VMAC: variants seen among roughly 807,000 people sequenced by gnomAD.
VMAC encodes the protein vimentin-type intermediate filament-associated coiled-coil protein.
In VMAC, 8 loss-of-function variants were observed where a neutral mutation model predicts 4.8. The observed-to-expected ratio is 1.68, with a 90% CI of 0.99 to 3.03. The LOEUF (loss-of-function observed/expected upper bound fraction) is 3.03, where lower values mean the gene tolerates loss of function less well. Among genes scored for constraint, VMAC ranks in the 30% most tolerant of loss-of-function variants. The probability of loss-of-function intolerance (pLI) is 0.00; values close to 1 mark genes in which losing one functional copy is unlikely to be tolerated. For synonymous variants in VMAC, 96 were observed against 113.7 expected (o/e 0.84, Z 0.99); for missense variants, 248 against 245.1 (o/e 1.01, Z -0.08).
rs2057686745 is a variant in VMAC at position 5,908,514 on chromosome 19, G to T, written c.192-310G>T. On this transcript the variant is annotated intron_variant, in intron 1 of 1. Transcript: ENST00000339485. This position sits in a 1 kb window ranked among gnomAD's most constrained non-coding sequence, Gnocchi z 4.5. ...ACCTGTAATCCCAGCTACTAGGGAG[G>T]CTGAGGCAGGAGAATTGCTTGAACC... Among the ~76,000 whole-genome samples, 1 of 151,998 alleles carries T rather than the reference G, an allele frequency of 6.6e-6. No individual in the cohort carries two copies. Among genetic ancestry groups the T allele is most frequent in the Non-Finnish European group, 1.5e-5 (1 of 68,020 alleles).
rs749864099 is a variant in VMAC at position 5,909,841 on chromosome 19, A to G, written c.*699A>G. On this transcript the variant is annotated 3_prime_UTR_variant, in exon 2 of 2. Transcript: ENST00000339485. ...TGTCTCCTTTTTATACGCCCTAAAGAATATATTTTTGAACTCCTTGTTTCT... is the reference window on the plus strand; with the variant it reads ...TGTCTCCTTTTTATACGCCCTAAAGGATATATTTTTGAACTCCTTGTTTCT... 6.6e-6 allele frequency: 1 copy of G among 152,108 alleles called. No individual in the cohort carries two copies. The highest frequency in any genetic ancestry group is 1.5e-5 in the Non-Finnish European group (1 of 68,028). 9.4% of individuals were successfully genotyped at this position (152,108 alleles called of 1,614,324 possible).
At chr19:5,907,537 C>G (rs946982774) in intron 1 of VMAC, among the ~76,000 whole-genome samples, 11 of 145,422 alleles carry the variant, frequency 7.6e-5, no homozygotes, top group African/African-American at 2.8e-4. Flanking sequence ...CTTTGGGAGG[C>G]CGAAGCGGTC....
chr19:5,907,270 G>A (rs1176775766), intron 1 of VMAC, among the ~76,000 whole-genome samples: 1 of 151,908 alleles, frequency 6.6e-6, no homozygotes, highest in Non-Finnish European at 1.5e-5. Context: ...CCCCCACCCT[G>A]ACAACCTCAT....
rs374807753 is a variant in VMAC, at chr19:5,910,086, T to C, written c.*944T>C. The C allele has an allele frequency of 6.6e-6, 1 of 152,208 alleles. No homozygotes were observed. Among genetic ancestry groups the C allele is most frequent in the Admixed American group, 6.6e-5 (1 of 15,266 alleles). 9.4% of individuals were successfully genotyped at this position (152,208 alleles called of 1,614,324 possible). On this transcript the variant is annotated 3_prime_UTR_variant, in exon 2 of 2. Coordinates refer to ENST00000339485, the MANE Select transcript of VMAC (RefSeq NM_001017921.4). Reference sequence around the variant, plus strand: ...CGGAGGCCACCCACGGCCTTCAGGATGGCGCCCGCCTGCCTGCCTGGCAAC... The same window carrying C: ...CGGAGGCCACCCACGGCCTTCAGGACGGCGCCCGCCTGCCTGCCTGGCAAC...
intron 1 of VMAC, 146 bp downstream of exon 1, chr19:5,905,227 A>T (rs2057674290): frequency 1.1e-6 from 1 of 935,050 alleles, no homozygotes; most frequent in African/African-American, 1.7e-5. Context: ...ACACCAAAAA[A>T]CTCGAATTAG....
chr19:5,906,541 G>A (rs1165394041), intron 1 of VMAC, among the ~76,000 whole-genome samples: 1 of 152,228 alleles, frequency 6.6e-6, no homozygotes, highest in Non-Finnish European at 1.5e-5. Flanking sequence ...CCAGTGGAGA[G>A]ACAGACATGT....
At position 5,910,313 on chromosome 19, in the gene VMAC, CTAGGGAGTG is replaced by C. The variant is rs1317543506; in HGVS notation, c.*1176_*1184del. 6.6e-6 allele frequency: 1 copy of C among 152,220 alleles called. No homozygotes were observed. The highest frequency in any genetic ancestry group is 6.5e-5 in the Admixed American group (1 of 15,276). 9.4% of individuals were successfully genotyped at this position (152,220 alleles called of 1,614,324 possible). A position where few individuals can be genotyped will look rare whatever the true frequency, so the allele number is the denominator to read the frequency against. ...AGGGTCCTGCTGGGCCAGGTAGAATCTAGGGAGTGTAGGCCAAGCACTCTCTACAGCGAT... is the reference window on the plus strand; with the variant it reads ...AGGGTCCTGCTGGGCCAGGTAGAATCTAGGCCAAGCACTCTCTACAGCGAT... On this transcript the variant is annotated 3_prime_UTR_variant, in exon 2 of 2. Transcript: ENST00000339485.
rs1396203163 is a variant in VMAC, at chr19:5,909,109, C to A, written c.477C>A (p.His159Gln). 1 of 1,551,238 alleles carries A rather than the reference C, an allele frequency of 6.4e-7. No homozygotes were observed. The highest frequency in any genetic ancestry group is 1.9e-5 in the Admixed American group (1 of 51,998). Residue 159 changes from histidine (H) to glutamine (Q), a missense_variant, in exon 2 of 2, where the codon CAC becomes CAA. Transcript: ENST00000339485. ...CTGGGGAAGAGGCGGACAGGGACCA[C>A]CTCCAGCCTGCAGTGTTTGGGACCA... ...NSTGEEADRD[H>Q]LQPAVFGTTV is the part of the protein sequence containing the mutation.
chr19:5,909,072 T>C lies in VMAC; in HGVS notation c.440T>C (p.Leu147Pro). 6.4e-7 allele frequency: 1 copy of C among 1,560,756 alleles called. No individual in the cohort carries two copies. Among genetic ancestry groups the C allele is most frequent in the Non-Finnish European group, 8.6e-7 (1 of 1,156,548 alleles). ...HPPPGGPGPPLDNSTGEEADR... is the reference protein window; with the variant it reads ...HPPPGGPGPPPDNSTGEEADR... Reference sequence around the variant, plus strand: ...CCCCCCGGTGGGCCTGGTCCACCCCTTGACAACAGCACTGGGGAAGAGGCG... The same window carrying C: ...CCCCCCGGTGGGCCTGGTCCACCCCCTGACAACAGCACTGGGGAAGAGGCG... The change falls in exon 2 of 2, where the codon CTT becomes CCT. Residue 147 changes from leucine to proline, a missense_variant. By Grantham distance (98) the Leu-to-Pro change is moderately conservative (BLOSUM62 -3). Coordinates refer to ENST00000339485, the MANE Select transcript of VMAC (RefSeq NM_001017921.4).
In VMAC at chr19:5,908,131, G is replaced by C. The variant is rs1190600780; in HGVS notation, c.192-693G>C. On this transcript the variant is annotated intron_variant, in intron 1 of 1. Coordinates refer to ENST00000339485, the MANE Select transcript of VMAC (RefSeq NM_001017921.4). The surrounding 1 kb of genome is among the most constrained non-coding windows in gnomAD (Gnocchi z 4.5). Reference sequence around the variant, plus strand: ...GGCCAAGGCGGGTGGATCACTTGAGGTCAGGAGTTTAAGACCAGTCTGGCC... The same window carrying C: ...GGCCAAGGCGGGTGGATCACTTGAGCTCAGGAGTTTAAGACCAGTCTGGCC... 6.6e-6 allele frequency among the ~76,000 whole-genome samples: 1 copy of C among 151,968 alleles called. No individual in the cohort carries two copies. Among genetic ancestry groups the C allele is most frequent in the Non-Finnish European group, 1.5e-5 (1 of 67,996 alleles).
rs1437369539 is a variant in VMAC, at chr19:5,905,163, G to A, written c.191+82G>A. Reference sequence around the variant, plus strand: ...CGAGGCTGGAAAGCGAGGAAGGGCAGGGGGAACCGTGTGCACTTGTATAGA... The same window carrying A: ...CGAGGCTGGAAAGCGAGGAAGGGCAAGGGGAACCGTGTGCACTTGTATAGA... On this transcript the variant is annotated intron_variant, in intron 1 of 1. Transcript: ENST00000339485. 5 of 1,304,390 alleles carry A rather than the reference G, an allele frequency of 3.8e-6. No homozygotes were observed. The East Asian group carries it at 1.6e-4, about 41-fold the overall frequency. The allele number at this position is 1,304,390 out of a possible 1,614,324, so 80.8% of individuals were successfully genotyped here. A position where few individuals can be genotyped will look rare whatever the true frequency, so the allele number is the denominator to read the frequency against.
intron 1 of VMAC, among the ~76,000 whole-genome samples, chr19:5,905,447 T>C (rs2057675111): frequency 6.6e-6 from 1 of 152,134 alleles, no homozygotes; most frequent in Admixed American, 6.5e-5. Context: ...GAGACGGAGT[T>C]TCGCTCTTGT....
At chr19:5,905,757 A>G (rs1237743156) in intron 1 of VMAC, among the ~76,000 whole-genome samples, 1 of 151,586 alleles carries the variant, frequency 6.6e-6, no homozygotes, top group Non-Finnish European at 1.5e-5. Context: ...CCTCACTCCT[A>G]TGCCCAGGCT....
At chr19:5,907,721 G>A (rs1458051765) in intron 1 of VMAC, among the ~76,000 whole-genome samples, 7 of 149,938 alleles carry the variant, frequency 4.7e-5, no homozygotes, top group Non-Finnish European at 8.9e-5. Context: ...GGGAGGCGGA[G>A]GTTGCAGTGA....
At chr19:5,907,412 G>T (rs189265675) in intron 1 of VMAC, among the ~76,000 whole-genome samples, 115 of 151,740 alleles carry the variant, frequency 7.6e-4, no homozygotes, top group African/African-American at 2.6e-3. Flanking sequence ...GGAACTGGTG[G>T]GAGGTAAATG....
chr19:5,907,754 C>CCAG (rs1366465208), intron 1 of VMAC, among the ~76,000 whole-genome samples: 1 of 151,854 alleles, frequency 6.6e-6, no homozygotes, highest in East Asian at 1.9e-4. Flanking sequence ...CCACTGCACT[C>CCAG]CAGCCTGGAT....
intron 1 of VMAC, among the ~76,000 whole-genome samples, chr19:5,906,048 G>A (rs879837215): frequency 8.6e-5 from 13 of 151,696 alleles, no homozygotes; most frequent in African/African-American, 1.7e-4. Flanking sequence ...GCAGTGGTGC[G>A]ATCTCGACTC....
chr19:5,910,264 T>A lies in VMAC; in HGVS notation c.*1122T>A, dbSNP rs549946720. ...TGGCCTGGGGGCAAGAGGGAGGCCCTCTGTGTTATTTGTGCCTCCTGGTAG... is the reference window on the plus strand; with the variant it reads ...TGGCCTGGGGGCAAGAGGGAGGCCCACTGTGTTATTTGTGCCTCCTGGTAG... On this transcript the variant is annotated 3_prime_UTR_variant, in exon 2 of 2. Transcript: ENST00000339485. The A allele has an allele frequency of 5.3e-5, 8 of 152,216 alleles. No homozygotes were observed. Among genetic ancestry groups the A allele is most frequent in the Admixed American group, 1.3e-4 (2 of 15,276 alleles). The allele number at this position is 152,216 out of a possible 1,614,324, so 9.4% of individuals were successfully genotyped here.
At position 5,908,332 on chromosome 19, in the gene VMAC, A is replaced by G. The variant is rs2057686060; in HGVS notation, c.192-492A>G. Reference sequence around the variant, plus strand: ...CGAGACTGTCTCAGAAATTATAATAATAGGCTGGGCGTGGTGGCTCACGCC... The same window carrying G: ...CGAGACTGTCTCAGAAATTATAATAGTAGGCTGGGCGTGGTGGCTCACGCC... On this transcript the variant is annotated intron_variant, in intron 1 of 1. Transcript: ENST00000339485. This position sits in a 1 kb window ranked among gnomAD's most constrained non-coding sequence, Gnocchi z 4.5. 6.7e-6 allele frequency among the ~76,000 whole-genome samples: 1 copy of G among 149,918 alleles called. No individual in the cohort carries two copies. Among genetic ancestry groups the G allele is most frequent in the Admixed American group, 6.7e-5 (1 of 15,034 alleles).
Sources: allele counts gnomAD v4.1 joint callset (sites outside exome capture counted in the v4.1 genomes callset), GRCh38; gene constraint gnomAD v4.1.1; non-coding constraint Gnocchi (gnomAD v3.1); transcripts MANE v1.5; gene names NCBI Gene and HGNC (gene_info 2026-07-23, HGNC 2026-07-21).